CD2AP: variants seen among roughly 807,000 people sequenced by gnomAD.
The protein encoded by CD2AP is CD2-associated protein.
Under a neutral mutation model 85.1 loss-of-function variants are expected in CD2AP, and 46 were observed. The ratio of observed to expected loss-of-function variants is 0.54; its 90% CI spans 0.43 to 0.69. CD2AP has a LOEUF of 0.69. CD2AP is among the 30% of genes least tolerant of loss of function. CD2AP has a pLI of 0.00. For missense variants in CD2AP, 769 were observed against 729.5 expected, an observed-to-expected ratio of 1.05 and a Z score of -0.62; for synonymous variants, 255 against 252.9, an observed-to-expected ratio of 1.01 and a Z score of -0.08.
intron 4 of CD2AP, among the ~76,000 whole-genome samples, chr6:47,549,347 C>T (rs1355387277): frequency 1.3e-5 from 2 of 151,176 alleles, no homozygotes; most frequent in Admixed American, 6.6e-5. Context: ...GAAAAGAATT[C>T]AGCAAAGTTT....
At chr6:47,505,901 G>C (rs1582488541) in intron 2 of CD2AP, among the ~76,000 whole-genome samples, 1 of 96,192 alleles carries the variant, frequency 1.0e-5, no homozygotes, top group East Asian at 4.6e-4. Flanking sequence ...GCGGGGGGCT[G>C]ACCCCCCCCA....
chr6:47,588,631 A>C (rs970293467), intron 11 of CD2AP, among the ~76,000 whole-genome samples: 1 of 152,122 alleles, frequency 6.6e-6, no homozygotes, highest in Non-Finnish European at 1.5e-5. Context: ...AAAACATCTC[A>C]CATAATTGAA....
Position 47,624,413 on chromosome 6 carries a change from A to T in CD2AP, c.*186A>T, listed in dbSNP as rs9381582. The T allele has an allele frequency of 3.2e-3, 1,846 of 570,766 alleles. 41 individuals are homozygous for T. The Admixed American group carries it at 0.039, about 12-fold the overall frequency. The allele number at this position is 570,766 out of a possible 1,614,324, so 35.4% of individuals were successfully genotyped here. On this transcript the variant is annotated 3_prime_UTR_variant, in exon 18 of 18. Transcript: ENST00000359314. ...TATATATTTTGTTTTGCCAATATGA[A>T]GAAAAAGAGGCCTTATTTCTTAACT...
At chr6:47,622,035 T>A (rs1168015078) in intron 17 of CD2AP, among the ~76,000 whole-genome samples, 1 of 152,162 alleles carries the variant, frequency 6.6e-6, no homozygotes, top group Non-Finnish European at 1.5e-5. Flanking sequence ...CTGTTGGGGA[T>A]GAAGGTGAGA....
intron 5 of CD2AP, among the ~76,000 whole-genome samples, chr6:47,564,949 A>G (rs1767955461): frequency 6.6e-6 from 1 of 152,016 alleles, no homozygotes; most frequent in Non-Finnish European, 1.5e-5. Flanking sequence ...TTTAAATTTA[A>G]TAGTGTTCTC....
chr6:47,615,778 TTTTA>T lies in CD2AP; in HGVS notation c.1878+3243_1878+3246del, dbSNP rs1769561871. 6.7e-5 allele frequency among the ~76,000 whole-genome samples: 7 copies of T among 104,658 alleles called. No individual in the cohort carries two copies. The South Asian group carries it at 1.2e-3, about 18-fold the overall frequency. 68.7% of individuals were successfully genotyped at this position (104,658 alleles called of 152,430 possible). A position where few individuals can be genotyped will look rare whatever the true frequency, so the allele number is the denominator to read the frequency against. On this transcript the variant is annotated intron_variant, in intron 17 of 17. Transcript: ENST00000359314. ...AGCTGAAATTTAATTTTAATTTTAATTTTAATTTAATTTAATTTATTTATTTATT... is the reference window on the plus strand; with the variant it reads ...AGCTGAAATTTAATTTTAATTTTAATATTTAATTTAATTTATTTATTTATT...
At chr6:47,610,971 A>ATATTT in intron 16 of CD2AP, among the ~76,000 whole-genome samples, 8 of 112,900 alleles carry the variant, frequency 7.1e-5, no homozygotes, top group South Asian at 2.8e-4. Flanking sequence ...ATATATATGT[A>ATATTT]TTTTTTTTTT....
intron 1 of CD2AP, among the ~76,000 whole-genome samples, chr6:47,500,424 A>C (rs1765970222): frequency 6.6e-6 from 1 of 152,138 alleles, no homozygotes; most frequent in Admixed American, 6.6e-5. Flanking sequence ...TCAGCTGTGC[A>C]TCCCCTTTCA....
chr6:47,557,103 G>C (rs1021495284), intron 5 of CD2AP, among the ~76,000 whole-genome samples: 4 of 151,012 alleles, frequency 2.6e-5, no homozygotes, highest in Non-Finnish European at 5.9e-5. Context: ...TCATAGGTTT[G>C]TTGGCCGCAT....
chr6:47,610,414 GC>G (rs1158304172), intron 16 of CD2AP, among the ~76,000 whole-genome samples: 1 of 151,960 alleles, frequency 6.6e-6, no homozygotes, highest in Non-Finnish European at 1.5e-5. Flanking sequence ...AAAAGTTATG[GC>G]CAAATAAAAA....
At chr6:47,543,148 C>CA (rs11338409) in intron 3 of CD2AP, among the ~76,000 whole-genome samples, 6,048 of 60,116 alleles carry the variant, frequency 0.1, 390 homozygotes, top group South Asian at 0.13. Context: ...AAGACTGTCT[C>CA]AAAAAAAAAA....
At chr6:47,618,407 G>C (rs1044408438) in intron 17 of CD2AP, among the ~76,000 whole-genome samples, 1 of 151,910 alleles carries the variant, frequency 6.6e-6, no homozygotes, top group Non-Finnish European at 1.5e-5. Context: ...TCACTGTTAG[G>C]GTATGTACTT....
intron 5 of CD2AP, among the ~76,000 whole-genome samples, chr6:47,573,494 T>G (rs1293824935): frequency 1.4e-5 from 2 of 144,800 alleles, no homozygotes; most frequent in African/African-American, 2.6e-5. Flanking sequence ...GTTTTTTTTT[T>G]TTTTTTTTTT....
At chr6:47,587,320 A>C (rs1201303876) in intron 11 of CD2AP, among the ~76,000 whole-genome samples, 1 of 152,152 alleles carries the variant, frequency 6.6e-6, no homozygotes, top group East Asian at 1.9e-4. Flanking sequence ...GGGCGCAGAA[A>C]AGAGCTACTT....
At chr6:47,571,289 C>T (rs891752700) in intron 5 of CD2AP, among the ~76,000 whole-genome samples, 1 of 152,134 alleles carries the variant, frequency 6.6e-6, no homozygotes, top group South Asian at 2.1e-4. Context: ...ATGGAATTCA[C>T]TTTTCCACCA....
intron 8 of CD2AP, among the ~76,000 whole-genome samples, chr6:47,578,825 G>A (rs1768381245): frequency 6.6e-6 from 1 of 151,352 alleles, no homozygotes; most frequent in African/African-American, 2.4e-5. Context: ...CCTGGCTAAT[G>A]TTTGTATTTT....
intron 11 of CD2AP, among the ~76,000 whole-genome samples, chr6:47,592,589 C>G (rs540609649): frequency 1.2e-4 from 19 of 152,230 alleles, no homozygotes; most frequent in African/African-American, 3.9e-4. Flanking sequence ...AAGCATCTTT[C>G]AACCACGTCT....
At chr6:47,606,753 A>C (rs1477673941) in intron 14 of CD2AP, among the ~76,000 whole-genome samples, 2 of 152,100 alleles carry the variant, frequency 1.3e-5, no homozygotes, top group Non-Finnish European at 2.9e-5. Flanking sequence ...CATGAAATGC[A>C]TAATAATTAT....
At chr6:47,524,781 A>G (rs1467805392) in intron 2 of CD2AP, among the ~76,000 whole-genome samples, 2 of 152,216 alleles carry the variant, frequency 1.3e-5, no homozygotes, top group Admixed American at 1.3e-4. Flanking sequence ...TCCTTTGTCC[A>G]AAATGTGGAG....
Sources: gnomAD v4.1 joint callset for allele counts (sites outside exome capture counted in the v4.1 genomes callset) on GRCh38, gnomAD v4.1.1 for gene constraint, MANE v1.5 for transcripts, NCBI Gene and HGNC (gene_info 2026-07-23, HGNC 2026-07-21) for gene names.